The following RCHY1 variants were observed in gnomAD, a reference collection of about 807,000 sequenced individuals.
The protein encoded by RCHY1 is RING finger and CHY zinc finger domain-containing protein 1.
In RCHY1, 21 loss-of-function variants were observed where a neutral mutation model predicts 41.6. The ratio of observed to expected loss-of-function variants is 0.51; its 90% CI spans 0.36 to 0.73. The LOEUF (loss-of-function observed/expected upper bound fraction) is 0.73. RCHY1 is among the 30% of genes least tolerant of loss of function. The pLI is 0.00. For missense variants in RCHY1, 265 were observed against 325.3 expected (o/e 0.81, Z 1.43); for synonymous variants, 79 against 102.9 (o/e 0.77, Z 1.41).
Position 75,481,534 on chromosome 4 carries a change from C to G in RCHY1, c.*1004G>C, listed in dbSNP as rs148498504. 359 of 152,252 alleles carry G rather than the reference C, an allele frequency of 2.4e-3. 1 individual carries two copies. The highest frequency in any genetic ancestry group is 8.3e-3 in the African/African-American group (344 of 41,544). 9.4% of individuals were successfully genotyped at this position (152,252 alleles called of 1,614,324 possible). On this transcript the variant is annotated 3_prime_UTR_variant, in exon 9 of 9. Coordinates refer to ENST00000324439, the MANE Select transcript of RCHY1 (RefSeq NM_015436.4). ...AGATCTTGCCAGGAATATCCCATGC[C>G]CTTCCCACTCATCCATCCCCTATTT...
At chr4:75,496,051 T>C (rs1723176710) in intron 3 of RCHY1, among the ~76,000 whole-genome samples, 1 of 152,148 alleles carries the variant, frequency 6.6e-6, no homozygotes, top group Non-Finnish European at 1.5e-5. Flanking sequence ...ATTGTGAATT[T>C]TCTCTTACAA....
At chr4:75,508,426 T>C (rs553594043) in intron 3 of RCHY1, among the ~76,000 whole-genome samples, 147 of 152,270 alleles carry the variant, frequency 9.7e-4, no homozygotes, top group Non-Finnish European at 1.7e-3. Flanking sequence ...TTCCAATTTT[T>C]ATAAAATCAC....
At chr4:75,511,119 T>C (rs1724819998) in intron 1 of RCHY1, among the ~76,000 whole-genome samples, 1 of 152,220 alleles carries the variant, frequency 6.6e-6, no homozygotes, top group African/African-American at 2.4e-5. Flanking sequence ...TCTATTGCTC[T>C]ATCTTGCACT....
intron 8 of RCHY1, among the ~76,000 whole-genome samples, chr4:75,488,033 C>T (rs1179763174): frequency 6.7e-6 from 1 of 148,702 alleles, no homozygotes; most frequent in Non-Finnish European, 1.5e-5. Flanking sequence ...TGGCATGCTA[C>T]AAAGGGCCCC....
intron 3 of RCHY1, chr4:75,494,536 C>G (rs1227940396): frequency 5.3e-6 from 1 of 190,134 alleles, no homozygotes; most frequent in Non-Finnish European, 1.1e-5. Context: ...TCTGTCTACA[C>G]AGAACCACTT....
chr4:75,514,335 A>C lies in RCHY1; in HGVS notation c.-49T>G, dbSNP rs758123996. On this transcript the variant is annotated 5_prime_UTR_variant, in exon 1 of 9. Coordinates refer to ENST00000324439, the MANE Select transcript of RCHY1 (RefSeq NM_015436.4). ...CACCGATCCTTCCCCCAGGATAAAA[A>C]CCACGCCCAGAGAAGCTGCGCCTCT... The C allele has an allele frequency of 6.3e-7, 1 of 1,578,698 alleles. No individual in the cohort carries two copies.
intron 8 of RCHY1, among the ~76,000 whole-genome samples, chr4:75,483,991 C>A (rs1265011594): frequency 6.6e-6 from 1 of 152,114 alleles, no homozygotes. Context: ...CAGAAACAAC[C>A]TTTTATGCTT....
intron 1 of RCHY1, 145 bp downstream of exon 1, chr4:75,514,052 T>C: frequency 2.3e-6 from 3 of 1,332,496 alleles, no homozygotes; most frequent in Non-Finnish European, 3.0e-6. Flanking sequence ...AACGTTCTCC[T>C]CAAGAAGAAC....
intron 1 of RCHY1, 53 bp from the exon 2 acceptor site, chr4:75,509,349 G>A: frequency 6.4e-7 from 1 of 1,564,758 alleles, no homozygotes. Flanking sequence ...GAAACTAAGT[G>A]TGCAATACAA....
intron 3 of RCHY1, among the ~76,000 whole-genome samples, chr4:75,498,897 A>G (rs1292033090): frequency 6.6e-6 from 1 of 152,146 alleles, no homozygotes; most frequent in Non-Finnish European, 1.5e-5. Flanking sequence ...TTTTTTGTGT[A>G]AGATCTCAAA....
At chr4:75,503,564 G>A (rs1057266609) in intron 3 of RCHY1, among the ~76,000 whole-genome samples, 22 of 151,912 alleles carry the variant, frequency 1.4e-4, no homozygotes, top group African/African-American at 4.4e-4. Flanking sequence ...CTGTGGTGGC[G>A]AGTGCCTGTA....
intron 3 of RCHY1, among the ~76,000 whole-genome samples, chr4:75,500,590 G>T (rs1723657331): frequency 6.6e-6 from 1 of 152,136 alleles, no homozygotes; most frequent in Non-Finnish European, 1.5e-5. Flanking sequence ...CGAAGCACTT[G>T]AATTGCTTAC....
chr4:75,509,095 T>C (rs919614976), intron 2 of RCHY1, 82 bp downstream of exon 2: 1 of 1,367,140 alleles, frequency 7.3e-7, no homozygotes, highest in Non-Finnish European at 1.0e-6. Flanking sequence ...AGAAATCTTA[T>C]TTATGATACT....
At chr4:75,490,014 C>T (rs570414834) in intron 8 of RCHY1, among the ~76,000 whole-genome samples, 1 of 152,184 alleles carries the variant, frequency 6.6e-6, no homozygotes, top group South Asian at 2.1e-4. Context: ...ACAGTTTTTT[C>T]CCAAGATCAT....
At position 75,509,241 on chromosome 4, in the gene RCHY1, T is replaced by C. The variant is rs750391215; in HGVS notation, c.146A>G (p.Asp49Gly). The C allele has an allele frequency of 1.2e-6, 2 of 1,613,352 alleles. No individual in the cohort carries two copies. Among genetic ancestry groups the C allele is most frequent in the Non-Finnish European group, 1.7e-6 (2 of 1,179,554 alleles). Residue 49 changes from aspartate (D) to glycine (G), a missense_variant, in exon 2 of 9, where the codon GAT becomes GGT. Physicochemically the swap from Asp to Gly is moderately conservative, Grantham distance 94. Transcript: ENST00000324439. The part of the protein sequence containing the change: ...TCRLCHDNNE[D>G]HQLDRFKVKE... ...CACTTTAAAGCGATCTAGTTGATGA[T>C]CTTCATTGTTATCATGACACAAGCG...
At chr4:75,503,346 C>A (rs1050593744) in intron 3 of RCHY1, among the ~76,000 whole-genome samples, 1 of 152,034 alleles carries the variant, frequency 6.6e-6, no homozygotes, top group Non-Finnish European at 1.5e-5. Context: ...AGATGATGTA[C>A]CATATGAATG....
At chr4:75,484,532 T>C (rs1459646569) in intron 8 of RCHY1, among the ~76,000 whole-genome samples, 1 of 152,120 alleles carries the variant, frequency 6.6e-6, no homozygotes, top group Non-Finnish European at 1.5e-5. Context: ...CCTCTTCAAT[T>C]CTTCTTCTTG....
At chr4:75,492,153 C>T (rs1390565173) in intron 4 of RCHY1, among the ~76,000 whole-genome samples, 2 of 151,780 alleles carry the variant, frequency 1.3e-5, no homozygotes, top group Non-Finnish European at 2.9e-5. Context: ...TGTCAATAAA[C>T]ATTATTGAGA....
At chr4:75,501,730 T>G (rs1434108686) in intron 3 of RCHY1, among the ~76,000 whole-genome samples, 1 of 152,250 alleles carries the variant, frequency 6.6e-6, no homozygotes, top group Admixed American at 6.5e-5. Flanking sequence ...AATCAAATAC[T>G]GTTATTAGAA....
Sources: allele counts gnomAD v4.1 joint callset (sites outside exome capture counted in the v4.1 genomes callset), GRCh38; gene constraint gnomAD v4.1.1; transcripts MANE v1.5; gene names NCBI Gene and HGNC (gene_info 2026-07-23, HGNC 2026-07-21).